Variants in HACD2 observed in about 807,000 individuals in gnomAD.
HACD2 encodes 3-hydroxyacyl-CoA dehydratase 2, also known as very-long-chain (3R)-3-hydroxyacyl-CoA dehydratase 2.
Under a neutral mutation model 31.0 loss-of-function variants are expected in HACD2, and 15 were observed. The observed-to-expected ratio is 0.48, with a 90% CI of 0.32 to 0.75. The LOEUF is 0.75. Ranked by LOEUF, HACD2 falls within the 30% of genes least tolerant of loss-of-function variation. The pLI, the probability that HACD2 is intolerant of heterozygous loss-of-function variation, is 0.03. For synonymous variants in HACD2, 115 were observed against 122.2 expected (o/e 0.94, Z 0.39); for missense variants, 283 against 313.0 (o/e 0.90, Z 0.72).
chr3:123,558,446 T>C (rs2056694577), intron 3 of HACD2, among the ~76,000 whole-genome samples: 1 of 152,202 alleles, frequency 6.6e-6, no homozygotes, highest in African/African-American at 2.4e-5. Context: ...TAATCAATTG[T>C]AACAAATGTA....
chr3:123,572,464 T>C (rs978768319), intron 2 of HACD2, among the ~76,000 whole-genome samples: 2 of 152,122 alleles, frequency 1.3e-5, no homozygotes, highest in Admixed American at 6.5e-5. Context: ...GCTACAATCA[T>C]GCCACTGCAC....
chr3:123,525,372 C>G (rs1462221533), intron 4 of HACD2, among the ~76,000 whole-genome samples: 1 of 152,168 alleles, frequency 6.6e-6, no homozygotes, highest in Admixed American at 6.5e-5. Context: ...GTCACACTAG[C>G]TGATGGGTAG....
At chr3:123,505,930 T>C (rs1418427524) in intron 4 of HACD2, among the ~76,000 whole-genome samples, 2 of 152,220 alleles carry the variant, frequency 1.3e-5, no homozygotes, top group African/African-American at 2.4e-5. Context: ...GTTGTGTGCT[T>C]GTAGGCCCTG....
intron 3 of HACD2, among the ~76,000 whole-genome samples, chr3:123,555,245 C>T (rs1302773031): frequency 1.3e-5 from 2 of 151,676 alleles, no homozygotes; most frequent in African/African-American, 4.8e-5. Context: ...TGCAGTAAGA[C>T]AAGAAAAAGA....
intron 3 of HACD2, among the ~76,000 whole-genome samples, chr3:123,544,099 C>T (rs577882634): frequency 6.6e-6 from 1 of 152,286 alleles, no homozygotes; most frequent in Admixed American, 6.5e-5. Context: ...GCTTTCCCAT[C>T]CTGTACTAAT....
intron 4 of HACD2, among the ~76,000 whole-genome samples, chr3:123,511,703 A>G (rs1389022606): frequency 1.3e-5 from 2 of 152,226 alleles, no homozygotes; most frequent in Non-Finnish European, 2.9e-5. Flanking sequence ...AACACAACAT[A>G]AGAACTTGAA....
At chr3:123,552,548 TATACAAAACC>T (rs1361737971) in intron 3 of HACD2, among the ~76,000 whole-genome samples, 3 of 152,166 alleles carry the variant, frequency 2.0e-5, no homozygotes, top group Admixed American at 6.5e-5. Flanking sequence ...AGTTTACAAC[TATACAAAACC>T]ATTTTCAGGA....
chr3:123,549,110 C>A (rs1395018687), intron 3 of HACD2, among the ~76,000 whole-genome samples: 1 of 151,450 alleles, frequency 6.6e-6, no homozygotes. Context: ...GAAATTCTAC[C>A]TTACTTACTT....
intron 4 of HACD2, chr3:123,502,923 G>A: frequency 2.3e-6 from 1 of 426,244 alleles, no homozygotes; most frequent in Non-Finnish European, 4.3e-6. Context: ...CAGCAGGGTG[G>A]GGGTAACAAA....
intron 4 of HACD2, among the ~76,000 whole-genome samples, chr3:123,505,680 T>C (rs1222525779): frequency 6.6e-6 from 1 of 152,156 alleles, no homozygotes; most frequent in Non-Finnish European, 1.5e-5. Flanking sequence ...ATTACTACAC[T>C]GTAAATAGAT....
At chr3:123,519,712 T>C (rs2056189132) in intron 4 of HACD2, among the ~76,000 whole-genome samples, 1 of 152,238 alleles carries the variant, frequency 6.6e-6, no homozygotes, top group African/African-American at 2.4e-5. Flanking sequence ...CATAAAGGAC[T>C]GACATTTTGG....
intron 4 of HACD2, among the ~76,000 whole-genome samples, chr3:123,516,193 A>C (rs1559905995): frequency 6.6e-6 from 1 of 151,546 alleles, no homozygotes; most frequent in Non-Finnish European, 1.5e-5. Flanking sequence ...AAAAATATTA[A>C]TATTTCTTCC....
chr3:123,523,142 C>T (rs1035416873), intron 4 of HACD2, among the ~76,000 whole-genome samples: 1 of 152,136 alleles, frequency 6.6e-6, no homozygotes, highest in African/African-American at 2.4e-5. Context: ...CACACTGTGA[C>T]CCAGCTGGAG....
chr3:123,582,258 G>T lies in HACD2; in HGVS notation c.227C>A (p.Ser76Ter). Residue 76 changes from serine (S) to a stop codon, truncating the protein, a stop_gained, in exon 2 of 7, where the codon TCA becomes TAA. Transcript: ENST00000383657. LOFTEE classifies it high-confidence loss of function. ...AKGSYHSLYY[S>*]IEKPLKFFQT... ...AAAGAATTTCAAAGGCTTTTCAATT[G>T]AATAATAAAGGCTATGGTAGCTACC... 6.2e-7 allele frequency: 1 copy of T among 1,607,852 alleles called. No individual in the cohort carries two copies.
At chr3:123,504,713 C>T (rs190549289) in intron 4 of HACD2, among the ~76,000 whole-genome samples, 3 of 152,132 alleles carry the variant, frequency 2.0e-5, no homozygotes, top group East Asian at 3.9e-4. Flanking sequence ...GCTGTGAAGA[C>T]GATGGCATAA....
At chr3:123,532,649 C>A (rs751788787) in intron 3 of HACD2, among the ~76,000 whole-genome samples, 21 of 151,908 alleles carry the variant, frequency 1.4e-4, no homozygotes, top group Non-Finnish European at 2.2e-4. Flanking sequence ...TGGCCCCTGG[C>A]CAACATGGTG....
chr3:123,566,862 G>C (rs888771620), intron 3 of HACD2, among the ~76,000 whole-genome samples: 4 of 152,090 alleles, frequency 2.6e-5, no homozygotes, highest in African/African-American at 4.8e-5. Flanking sequence ...AAAAAAGAAG[G>C]TAATGGAGCC....
intron 6 of HACD2, among the ~76,000 whole-genome samples, chr3:123,497,919 T>C (rs987629628): frequency 7.2e-5 from 11 of 152,222 alleles, no homozygotes. Flanking sequence ...GAACGCTACC[T>C]TGTTTAGAAA....
At chr3:123,517,323 C>T (rs2056150321) in intron 4 of HACD2, among the ~76,000 whole-genome samples, 1 of 152,178 alleles carries the variant, frequency 6.6e-6, no homozygotes, top group Non-Finnish European at 1.5e-5. Flanking sequence ...GCTAGTCTTT[C>T]CCAATATTCT....
Sources: allele counts gnomAD v4.1 joint callset (sites outside exome capture counted in the v4.1 genomes callset), GRCh38; gene constraint gnomAD v4.1.1; transcripts MANE v1.5; gene names NCBI Gene and HGNC (gene_info 2026-07-23, HGNC 2026-07-21).